The following PTPRO variants were observed in gnomAD, a reference collection of about 807,000 sequenced individuals.
PTPRO encodes the protein receptor-type tyrosine-protein phosphatase O.
PTPRO carries 62 observed loss-of-function variants against 145.2 expected under a neutral mutation model. The ratio of observed to expected loss-of-function variants is 0.43; its 90% CI spans 0.35 to 0.53. The LOEUF is 0.53. PTPRO is among the 20% of genes least tolerant of loss of function. PTPRO has a pLI of 0.01. For synonymous variants in PTPRO, 565 were observed against 514.7 expected, an observed-to-expected ratio of 1.10 and a Z score of -1.32; for missense variants, 1,345 against 1,482.7, an observed-to-expected ratio of 0.91 and a Z score of 1.53.
chr12:15,399,391 A>C (rs914503003), intron 1 of PTPRO, among the ~76,000 whole-genome samples: 1 of 152,196 alleles, frequency 6.6e-6, no homozygotes, highest in Non-Finnish European at 1.5e-5. Flanking sequence ...TGCCCCAGGT[A>C]AAGTAAAAAA....
At chr12:15,345,308 C>A (rs960163782) in intron 1 of PTPRO, among the ~76,000 whole-genome samples, 6 of 152,142 alleles carry the variant, frequency 3.9e-5, no homozygotes, top group Admixed American at 3.9e-4. Flanking sequence ...CACATGCACA[C>A]GTGTGTTTAT....
intron 9 of PTPRO, among the ~76,000 whole-genome samples, chr12:15,519,082 G>A (rs1369289968): frequency 6.6e-6 from 1 of 152,200 alleles, no homozygotes; most frequent in East Asian, 1.9e-4. Context: ...AAAGAAGGAG[G>A]TTTAATTGGG....
chr12:15,524,778 T>C (rs1327714159), intron 10 of PTPRO, 36 bp from the exon 11 acceptor site: 2 of 1,586,396 alleles, frequency 1.3e-6, no homozygotes, highest in Non-Finnish European at 1.7e-6. Context: ...TTTATCCATC[T>C]ATTATACTAA....
intron 1 of PTPRO, among the ~76,000 whole-genome samples, chr12:15,406,708 G>T (rs1417778388): frequency 1.3e-5 from 2 of 152,176 alleles, no homozygotes; most frequent in East Asian, 1.9e-4. Context: ...AATGCAAAGT[G>T]CCCTGGTAGA....
intron 1 of PTPRO, among the ~76,000 whole-genome samples, chr12:15,377,943 T>A (rs1938736629): frequency 6.6e-6 from 1 of 152,020 alleles, no homozygotes; most frequent in African/African-American, 2.4e-5. Context: ...TACTTTGAAA[T>A]GAATGAAAAT....
chr12:15,564,946 GTAAC>G (rs1254873226), intron 17 of PTPRO, among the ~76,000 whole-genome samples: 9 of 152,126 alleles, frequency 5.9e-5, no homozygotes, highest in African/African-American at 2.2e-4. Flanking sequence ...CTAAACAAAT[GTAAC>G]TAACTAAAGC....
At position 15,589,629 on chromosome 12, in the gene PTPRO, G is replaced by T. The variant is rs199541300; in HGVS notation, c.3546+39G>T. 59 of 1,611,328 alleles carry T rather than the reference G, an allele frequency of 3.7e-5. No individual in the cohort carries two copies. The African/African-American group carries it at 7.7e-4, about 21-fold the overall frequency. Reference sequence around the variant, plus strand: ...CTATATGTATTTTTAAATTTTCCCTGGACTGAAAAACTTACCATTATTCAA... The same window carrying T: ...CTATATGTATTTTTAAATTTTCCCTTGACTGAAAAACTTACCATTATTCAA... On this transcript the variant is annotated intron_variant, in intron 25 of 26. Transcript: ENST00000281171.
intron 1 of PTPRO, among the ~76,000 whole-genome samples, chr12:15,450,132 G>A (rs764212729): frequency 1.3e-4 from 20 of 151,576 alleles, no homozygotes; most frequent in Non-Finnish European, 2.6e-4. Flanking sequence ...TTCTCTAAGC[G>A]ATGCTGCATT....
At chr12:15,400,139 C>T (rs1401860229) in intron 1 of PTPRO, among the ~76,000 whole-genome samples, 3 of 149,944 alleles carry the variant, frequency 2.0e-5, no homozygotes, top group South Asian at 2.1e-4. Flanking sequence ...TACAGACATG[C>T]GCCACCACGC....
chr12:15,595,126 A>T, intron 26 of PTPRO, 69 bp downstream of exon 26: 1 of 1,013,278 alleles, frequency 9.9e-7, no homozygotes, highest in Non-Finnish European at 1.5e-6. Context: ...GATGGATGGG[A>T]CAAAAGACAG....
intron 1 of PTPRO, among the ~76,000 whole-genome samples, chr12:15,408,073 G>C (rs190509011): frequency 4.6e-5 from 7 of 151,948 alleles, no homozygotes; most frequent in African/African-American, 1.7e-4. Flanking sequence ...AGATACTATT[G>C]TTCTAAGAAA....
At position 15,596,931 on chromosome 12, in the gene PTPRO, T is replaced by G. The variant is rs751859039; in HGVS notation, c.*858T>G. On this transcript the variant is annotated 3_prime_UTR_variant, in exon 27 of 27. Transcript: ENST00000281171. The stretch of plus-strand genomic sequence containing the variant: ...GTCTGAGCAATCGTGGTGCCTAGAC[T>G]TTGCATTCCTTGTTCTGTTGACCTG... 6.6e-6 allele frequency: 1 copy of G among 152,654 alleles called. No individual in the cohort carries two copies. The highest frequency in any genetic ancestry group is 1.5e-5 in the Non-Finnish European group (1 of 68,038). The allele number at this position is 152,654 out of a possible 1,614,324, so 9.5% of individuals were successfully genotyped here. A position where few individuals can be genotyped will look rare whatever the true frequency, so the allele number is the denominator to read the frequency against.
intron 12 of PTPRO, among the ~76,000 whole-genome samples, chr12:15,529,045 G>A (rs535036811): frequency 5.9e-5 from 9 of 152,246 alleles, no homozygotes; most frequent in East Asian, 1.9e-4. Flanking sequence ...AGACACATGC[G>A]AAAAGAAAAC....
Position 15,322,757 on chromosome 12 carries a change from G to A in PTPRO, c.31G>A (p.Ala11Thr). MGHLPTGIHG[A>T]RRLLPLLWLF... ...GCACCTGCCCACGGGGATACACGGC[G>A]CCCGCCGCCTCCTGCCTCTGCTCTG... Residue 11 changes from alanine (A) to threonine (T), a missense_variant, in exon 1 of 27, where the codon GCC (alanine) becomes ACC (threonine). Physicochemically the swap from Ala to Thr is moderately conservative, Grantham distance 58. Around this residue, in one of 3 missense-constraint regions of PTPRO, gnomAD observed 1,130 missense variants for 1,214.7 expected, o/e 0.93. Transcript: ENST00000281171. The surrounding 1 kb of genome is among the most constrained non-coding windows in gnomAD (Gnocchi z 6.3). 2 of 1,611,168 alleles carry A rather than the reference G, an allele frequency of 1.2e-6. No individual in the cohort carries two copies. Among genetic ancestry groups the A allele is most frequent in the Non-Finnish European group, 1.7e-6 (2 of 1,179,238 alleles).
chr12:15,365,065 T>C (rs1565588198), intron 1 of PTPRO, among the ~76,000 whole-genome samples: 1 of 152,190 alleles, frequency 6.6e-6, no homozygotes, highest in East Asian at 1.9e-4. Context: ...GTCCCCCTTC[T>C]GCATCACTTC....
intron 1 of PTPRO, among the ~76,000 whole-genome samples, chr12:15,354,501 G>A (rs2136234930): frequency 6.6e-6 from 1 of 152,192 alleles, no homozygotes; most frequent in South Asian, 2.1e-4. Context: ...TCCATCTATA[G>A]TTTTCTCATA....
In PTPRO at chr12:15,360,888, ATGTG is replaced by A. The variant is rs1404935407; in HGVS notation, c.75+38089_75+38092del. ...TATGTGTGTATATACACACATACACATGTGTATATACACACACATATATACACAC... is the reference window on the plus strand; with the variant it reads ...TATGTGTGTATATACACACATACACATATATACACACACATATATACACAC... On this transcript the variant is annotated intron_variant, in intron 1 of 26. Transcript: ENST00000281171. Among the ~76,000 whole-genome samples the A allele has an allele frequency of 1.3e-4, 17 of 130,906 alleles. No homozygotes were observed. In the East Asian group the frequency reaches 2.8e-3, roughly 22 times the overall value. The allele number at this position is 130,906 out of a possible 152,430, so 85.9% of individuals were successfully genotyped here. A position where few individuals can be genotyped will look rare whatever the true frequency, so the allele number is the denominator to read the frequency against.
At chr12:15,394,088 A>G (rs1939269573) in intron 1 of PTPRO, among the ~76,000 whole-genome samples, 1 of 152,192 alleles carries the variant, frequency 6.6e-6, no homozygotes, top group Non-Finnish European at 1.5e-5. Context: ...TCATGAGGCC[A>G]GAGCCCTGAT....
intron 1 of PTPRO, among the ~76,000 whole-genome samples, chr12:15,452,040 T>G (rs747477524): frequency 3.3e-5 from 5 of 151,766 alleles, no homozygotes; most frequent in Non-Finnish European, 7.4e-5. Context: ...ATGCAAAAGA[T>G]AAATGAAACA....
Sources: gnomAD v4.1 joint callset for allele counts (sites outside exome capture counted in the v4.1 genomes callset) on GRCh38, gnomAD v4.1.1 for gene constraint, gnomAD v4.1.1 regional missense constraint, Gnocchi (gnomAD v3.1) non-coding constraint, MANE v1.5 for transcripts, NCBI Gene and HGNC (gene_info 2026-07-23, HGNC 2026-07-21) for gene names.